Variants in TCTN3 observed in about 807,000 individuals in gnomAD.
TCTN3 encodes the protein tectonic-3.
TCTN3 carries 57 observed loss-of-function variants against 71.3 expected under a neutral mutation model. The ratio of observed to expected loss-of-function variants is 0.80; its 90% CI spans 0.65 to 1.00. The LOEUF (loss-of-function observed/expected upper bound fraction) is 1.00, where lower values mean the gene tolerates loss of function less well. Among genes scored for constraint, TCTN3 ranks in the 50% least tolerant of loss-of-function variants. The probability of loss-of-function intolerance (pLI) is 0.00; values close to 1 mark genes in which losing one functional copy is unlikely to be tolerated. For synonymous variants in TCTN3, 258 were observed against 267.8 expected, an observed-to-expected ratio of 0.96 and a Z score of 0.36; for missense variants, 696 against 719.9, an observed-to-expected ratio of 0.97 and a Z score of 0.38.
At chr10:95,681,542 G>A (rs1450380147) in intron 12 of TCTN3, among the ~76,000 whole-genome samples, 1 of 152,200 alleles carries the variant, frequency 6.6e-6, no homozygotes, top group East Asian at 1.9e-4. Context: ...GTGCATCCAA[G>A]TAGTCTGGAA....
intron 13 of TCTN3, among the ~76,000 whole-genome samples, chr10:95,665,944 GT>G (rs58866795): frequency 0.83 from 118,428 of 143,088 alleles, 49,253 homozygotes; most frequent in Non-Finnish European, 0.9. Flanking sequence ...TAATTCTGTA[GT>G]TTTTTTTTTT....
rs750644251 is a variant in TCTN3, at chr10:95,687,119, G to GAA, written c.775_776dup (p.Lys260SerfsTer25). On this transcript the variant is annotated frameshift_variant, in exon 6 of 14. Coordinates refer to ENST00000371217, the MANE Select transcript of TCTN3 (RefSeq NM_015631.6). LOFTEE classifies it high-confidence loss of function. ...AGGTACAGCTACTAGCCAGGTTCTTGAAAAAACGAGTGCAAGTTGTACTTT... is the reference window on the plus strand; with the variant it reads ...AGGTACAGCTACTAGCCAGGTTCTTGAAAAAAAACGAGTGCAAGTTGTACTTT... 3 of 1,613,924 alleles carry GAA rather than the reference G, an allele frequency of 1.9e-6. No individual in the cohort carries two copies. Among genetic ancestry groups the GAA allele is most frequent in the Non-Finnish European group, 2.5e-6 (3 of 1,179,980 alleles).
chr10:95,667,373 A>G (rs939310987), intron 13 of TCTN3, among the ~76,000 whole-genome samples: 10 of 152,350 alleles, frequency 6.6e-5, no homozygotes, highest in Non-Finnish European at 1.5e-4. Flanking sequence ...ATGCAAAAAC[A>G]GAAAGCAGAT....
In TCTN3 at chr10:95,682,802, A is replaced by G; in HGVS notation, c.1301T>C (p.Leu434Ser). ...VNAISGCKLRLKKADCSHLQQ... is the reference protein window; with the variant it reads ...VNAISGCKLRSKKADCSHLQQ... ...CAAGTGGCTGCAGTCTGCCTTCTTC[A>G]ACCTATAATTAAACACCATGGAGGC... The change falls in exon 12 of 14, where the codon TTG (leucine) becomes TCG (serine). Residue 434 changes from leucine (L) to serine (S), a missense_variant and splice_region_variant. Coordinates refer to ENST00000371217, the MANE Select transcript of TCTN3 (RefSeq NM_015631.6). 1 of 1,613,634 alleles carries G rather than the reference A, an allele frequency of 6.2e-7. No homozygotes were observed. The highest frequency in any genetic ancestry group is 1.1e-5 in the South Asian group (1 of 90,986).
At chr10:95,669,158 C>T (rs1169989726) in intron 13 of TCTN3, among the ~76,000 whole-genome samples, 1 of 152,018 alleles carries the variant, frequency 6.6e-6, no homozygotes, top group Admixed American at 6.6e-5. Flanking sequence ...AATAACCGAC[C>T]TACAAAAATA....
intron 10 of TCTN3, 61 bp from the exon 11 acceptor site, chr10:95,683,256 CA>C: frequency 1.9e-6 from 3 of 1,557,310 alleles, no homozygotes; most frequent in Non-Finnish European, 1.8e-6. Flanking sequence ...GGCAGCATTG[CA>C]AAATTTATGT....
intron 13 of TCTN3, among the ~76,000 whole-genome samples, chr10:95,666,932 T>C (rs1403917312): frequency 6.6e-6 from 1 of 152,222 alleles, no homozygotes; most frequent in Non-Finnish European, 1.5e-5. Context: ...AAAACTGATA[T>C]TTGATTATCT....
chr10:95,666,208 T>G (rs1444496995), intron 13 of TCTN3, among the ~76,000 whole-genome samples: 3 of 151,374 alleles, frequency 2.0e-5, no homozygotes. Flanking sequence ...CCCAAAGTGC[T>G]GGGATTACAG....
At position 95,664,918 on chromosome 10, in the gene TCTN3, G is replaced by C. The variant is rs556336220; in HGVS notation, c.1591-618C>G. Among the ~76,000 whole-genome samples, 3 of 152,238 alleles carry C rather than the reference G, an allele frequency of 2.0e-5. No individual in the cohort carries two copies. The East Asian group carries it at 5.8e-4, about 29-fold the overall frequency. ...AATGAATTCCCTTTGTTTTGACTCA[G>C]CTCAACAAGCAAACTTTTGATTATA... is the stretch of plus-strand genomic sequence containing the variant. On this transcript the variant is annotated intron_variant, in intron 13 of 13. Transcript: ENST00000371217.
intron 2 of TCTN3, 110 bp downstream of exon 2, chr10:95,693,241 TAG>T: frequency 6.7e-7 from 1 of 1,481,546 alleles, no homozygotes; most frequent in Non-Finnish European, 9.1e-7. Flanking sequence ...GGGAATGTCC[TAG>T]GAGTGGAAGT....
rs2097944196 is a variant in TCTN3 at position 95,682,685 on chromosome 10, C to T, written c.1418G>A (p.Trp473Ter). ...GNADPAQKGG[W>*]TRILNRHCSI... ...GCAGTGCCTGTTGAGGATCCTGGTC[C>T]ACCCTCCTTTCTGGGCTGGGTCAGC... Residue 473 changes from tryptophan to a stop codon, truncating the protein, a stop_gained, in exon 12 of 14, where the codon TGG (tryptophan) becomes TAG (stop). Transcript: ENST00000371217. LOFTEE classifies it high-confidence loss of function. 2 of 1,613,896 alleles carry T rather than the reference C, an allele frequency of 1.2e-6. No homozygotes were observed. Among genetic ancestry groups the T allele is most frequent in the Non-Finnish European group, 1.7e-6 (2 of 1,179,986 alleles).
intron 13 of TCTN3, among the ~76,000 whole-genome samples, chr10:95,675,042 C>T (rs2097935585): frequency 6.6e-6 from 1 of 152,064 alleles, no homozygotes; most frequent in African/African-American, 2.4e-5. Flanking sequence ...GAATATGTTA[C>T]AGGATAAAGG....
chr10:95,669,340 T>A (rs1180740418), intron 13 of TCTN3, among the ~76,000 whole-genome samples: 1 of 152,192 alleles, frequency 6.6e-6, no homozygotes, highest in Non-Finnish European at 1.5e-5. Flanking sequence ...AGGTGATGGG[T>A]ATCCTAAATA....
chr10:95,675,976 T>G (rs904691445), intron 13 of TCTN3, among the ~76,000 whole-genome samples: 2 of 152,228 alleles, frequency 1.3e-5, no homozygotes, highest in Non-Finnish European at 2.9e-5. Flanking sequence ...GTTAAATAGA[T>G]TCTCTCAGTG....
intron 13 of TCTN3, among the ~76,000 whole-genome samples, chr10:95,673,066 T>G (rs779194601): frequency 6.6e-6 from 1 of 152,200 alleles, no homozygotes; most frequent in Non-Finnish European, 1.5e-5. Flanking sequence ...AAAGGTCTTT[T>G]TATATTCTAG....
At position 95,693,391 on chromosome 10, in the gene TCTN3, CGGAT is replaced by C. The variant is rs761798713; in HGVS notation, c.338_341del (p.His113ArgfsTer13). The C allele has an allele frequency of 9.1e-5, 141 of 1,551,780 alleles. No homozygotes were observed. The highest frequency in any genetic ancestry group is 1.2e-4 in the Non-Finnish European group (132 of 1,147,038). On this transcript the variant is annotated frameshift_variant, in exon 2 of 14. Coordinates refer to ENST00000371217, the MANE Select transcript of TCTN3 (RefSeq NM_015631.6). LOFTEE classifies it high-confidence loss of function. ...GAAGGCAGAAGGAGAAAACTGTCCTCGGATGGAGAAGATAGCAGTCCCTGTCGCA... is the reference window on the plus strand; with the variant it reads ...GAAGGCAGAAGGAGAAAACTGTCCTCGGAGAAGATAGCAGTCCCTGTCGCA...
rs769335959 is a variant in TCTN3, at chr10:95,692,984, C to T, written c.435G>A (p.Pro145=). The T allele has an allele frequency of 3.1e-6, 5 of 1,614,030 alleles. No homozygotes were observed. In the South Asian group the frequency reaches 3.3e-5, roughly 11 times the overall value. The change falls in exon 3 of 14, where the codon CCG becomes CCA. Residue 145 remains proline (P), a synonymous_variant. Transcript: ENST00000371217. The part of the protein sequence containing the change: ...DNSVIFRSNS[P]FPSRVFMDSN... ...AATCCATGAAAACTCTTGAAGGAAACGGGGAATTACTCCTGAAGATAACAG... is the reference window on the plus strand; with the variant it reads ...AATCCATGAAAACTCTTGAAGGAAATGGGGAATTACTCCTGAAGATAACAG...
intron 12 of TCTN3, among the ~76,000 whole-genome samples, chr10:95,681,255 T>G (rs572367120): frequency 5.7e-4 from 86 of 152,198 alleles, no homozygotes; most frequent in African/African-American, 1.9e-3. Context: ...TTTGTATTTT[T>G]AGTAGAGACA....
intron 3 of TCTN3, among the ~76,000 whole-genome samples, chr10:95,688,397 G>GAAAAAAAAAAAAAAAAAAA (rs60722894): frequency 2.4e-4 from 25 of 104,566 alleles, no homozygotes; most frequent in South Asian, 3.1e-4. Flanking sequence ...TCAAAAAAAA[G>GAAAAAAAAAAAAAAAAAAA]AAAAAAAAAA....
Sources: allele counts gnomAD v4.1 joint callset (sites outside exome capture counted in the v4.1 genomes callset), GRCh38; gene constraint gnomAD v4.1.1; transcripts MANE v1.5; gene names NCBI Gene and HGNC (gene_info 2026-07-23, HGNC 2026-07-21).